FUBP1: variants seen among roughly 807,000 people sequenced by gnomAD.
FUBP1 encodes far upstream element-binding protein 1.
FUBP1 carries 16 observed loss-of-function variants against 94.9 expected under a neutral mutation model. The observed-to-expected ratio is 0.17, with a 90% CI of 0.11 to 0.26. FUBP1 has a LOEUF of 0.26. Ranked by LOEUF, FUBP1 falls within the 10% of genes least tolerant of loss-of-function variation. FUBP1 has a pLI of 1.00. For synonymous variants in FUBP1, 279 were observed against 254.9 expected (o/e 1.09, Z -0.90); for missense variants, 583 against 808.6 (o/e 0.72, Z 3.38).
At position 77,947,308 on chromosome 1, in the gene FUBP1, A is replaced by G; in HGVS notation, c.*1458T>C. 2.7e-6 allele frequency: 1 copy of G among 374,880 alleles called. No individual in the cohort carries two copies. Among genetic ancestry groups the G allele is most frequent in the Non-Finnish European group, 5.2e-6 (1 of 193,994 alleles). The allele number at this position is 374,880 out of a possible 1,614,324, so 23.2% of individuals were successfully genotyped here. A position where few individuals can be genotyped will look rare whatever the true frequency, so the allele number is the denominator to read the frequency against. On this transcript the variant is annotated 3_prime_UTR_variant, in exon 20 of 20. Coordinates refer to ENST00000370768, the MANE Select transcript of FUBP1 (RefSeq NM_003902.5). ...ACAGAACTATGTATTATTCTATGTT[A>G]AATTAAGAGGCAGTTATGGTTTTCC...
chr1:77,950,001 T>A (rs1373459506), intron 18 of FUBP1, among the ~76,000 whole-genome samples: 2 of 152,200 alleles, frequency 1.3e-5, no homozygotes, highest in Non-Finnish European at 2.9e-5. Flanking sequence ...TTTTTCCAAA[T>A]AAGGTGACTT....
At chr1:77,968,328 C>T (rs1251731500) in intron 2 of FUBP1, 125 bp from the exon 3 acceptor site, 1 of 622,556 alleles carries the variant, frequency 1.6e-6, no homozygotes, top group Non-Finnish European at 2.8e-6. Flanking sequence ...ATCATTTGAA[C>T]CAAAACTGCC....
chr1:77,958,326 G>C (rs1383482901), intron 16 of FUBP1, among the ~76,000 whole-genome samples: 1 of 152,164 alleles, frequency 6.6e-6, no homozygotes, highest in African/African-American at 2.4e-5. Context: ...CAGAGGCTTA[G>C]AGGAGTTCAA....
Position 77,960,799 on chromosome 1 carries a change from A to G in FUBP1, c.1345-304T>C, listed in dbSNP as rs1655320955. On this transcript the variant is annotated intron_variant, in intron 14 of 19. Transcript: ENST00000370768. ...AGCAGTAGTTCCCTTTCCTTTTATC[A>G]TTCTTACTTTTACTATCTTTTTCCA... is the stretch of plus-strand genomic sequence containing the variant. 1.2e-5 allele frequency: 3 copies of G among 255,774 alleles called. No individual in the cohort carries two copies. In the South Asian group the frequency reaches 1.6e-4, roughly 13 times the overall value. The allele number at this position is 255,774 out of a possible 1,614,324, so 15.8% of individuals were successfully genotyped here.
intron 1 of FUBP1, among the ~76,000 whole-genome samples, chr1:77,972,689 GAGGC>G (rs1439566952): frequency 1.3e-5 from 2 of 151,808 alleles, no homozygotes; most frequent in Middle Eastern, 3.2e-3. Flanking sequence ...TTGAACCCGG[GAGGC>G]AGAGGTCGCA....
At chr1:77,957,755 C>A (rs1374973565) in intron 16 of FUBP1, among the ~76,000 whole-genome samples, 1 of 151,390 alleles carries the variant, frequency 6.6e-6, no homozygotes, top group Admixed American at 6.6e-5. Context: ...AAACTTTTCT[C>A]AATTGCCCAA....
chr1:77,949,000 A>G (rs1319821239), intron 19 of FUBP1, 155 bp downstream of exon 19: 7 of 943,208 alleles, frequency 7.4e-6, no homozygotes, highest in Non-Finnish European at 1.1e-5. Context: ...TAAAAAACAA[A>G]AAAACCCAAA....
intron 1 of FUBP1, among the ~76,000 whole-genome samples, chr1:77,978,343 G>A (rs574569855): frequency 1.2e-4 from 18 of 152,314 alleles, no homozygotes; most frequent in Admixed American, 1.0e-3. Flanking sequence ...GGAACAGACT[G>A]ACACGTAAAT....
intron 1 of FUBP1, among the ~76,000 whole-genome samples, chr1:77,970,395 T>G (rs1051832264): frequency 6.6e-6 from 1 of 152,188 alleles, no homozygotes; most frequent in Admixed American, 6.5e-5. Context: ...TGCTATCTAG[T>G]AAGGTAGCCA....
At chr1:77,979,118 G>C, upstream of FUBP1, 6 of 1,082,390 alleles carry the variant, frequency 5.5e-6, no homozygotes, top group Non-Finnish European at 7.8e-6. Context: ...CGCGACCATC[G>C]TGCCGTAAAG....
In FUBP1 at chr1:77,967,400, C is replaced by T. The variant is rs893563530; in HGVS notation, c.290+227G>A. Among the ~76,000 whole-genome samples, 7 of 152,074 alleles carry T rather than the reference C, an allele frequency of 4.6e-5. No individual in the cohort carries two copies. The South Asian group carries it at 1.4e-3, about 31-fold the overall frequency. On this transcript the variant is annotated intron_variant, in intron 4 of 19. Transcript: ENST00000370768. ...TCTTAACAGTTACTCTAATTCACCC[C>T]TGTTCTTCTAAAATGTGGTTAATTC... is the stretch of plus-strand genomic sequence containing the variant.
intron 18 of FUBP1, among the ~76,000 whole-genome samples, chr1:77,953,681 G>C (rs1653932412): frequency 6.6e-6 from 1 of 151,478 alleles, no homozygotes; most frequent in Non-Finnish European, 1.5e-5. Context: ...TAACTGGCAG[G>C]GAAATGGTAA....
At chr1:77,970,603 T>C (rs1370697174) in intron 1 of FUBP1, among the ~76,000 whole-genome samples, 2 of 152,222 alleles carry the variant, frequency 1.3e-5, no homozygotes, top group African/African-American at 4.8e-5. Flanking sequence ...TGTACTTCTA[T>C]TGGACAATGT....
intron 1 of FUBP1, among the ~76,000 whole-genome samples, chr1:77,972,472 T>A (rs1275164895): frequency 1.3e-5 from 2 of 151,400 alleles, no homozygotes; most frequent in Admixed American, 6.6e-5. Context: ...AGGCCAGGCG[T>A]GGTGGCTCAT....
chr1:77,972,470 C>A (rs114495559), intron 1 of FUBP1, among the ~76,000 whole-genome samples: 1 of 151,170 alleles, frequency 6.6e-6, no homozygotes, highest in Non-Finnish European at 1.5e-5. Flanking sequence ...TGAGGCCAGG[C>A]GTGGTGGCTC....
At chr1:77,948,842 A>T (rs760108816) in intron 19 of FUBP1, 68 bp from the exon 20 acceptor site, 2 of 1,599,322 alleles carry the variant, frequency 1.3e-6, no homozygotes, top group Non-Finnish European at 1.7e-6. Flanking sequence ...GAGCTAATTC[A>T]GGAGTGAATC....
At chr1:77,949,048 C>T in intron 19 of FUBP1, 107 bp downstream of exon 19, 1 of 1,104,088 alleles carries the variant, frequency 9.1e-7, no homozygotes, top group Non-Finnish European at 1.4e-6. Context: ...AGTTATTATA[C>T]TTTGCCAGAT....
At chr1:77,978,774 C>T (rs1337243074) in intron 1 of FUBP1, 111 bp downstream of exon 1, 6 of 1,320,432 alleles carry the variant, frequency 4.5e-6, no homozygotes, top group East Asian at 2.3e-5. Flanking sequence ...CACATTTCAG[C>T]CCGGAAGAAC....
chr1:77,947,871 T>G lies in FUBP1; in HGVS notation c.*895A>C. ...CTATACTTTTTGCACACTATTCACT[T>G]TTCTATCCTAAATTTAGAAAGAAAC... On this transcript the variant is annotated 3_prime_UTR_variant, in exon 20 of 20. Coordinates refer to ENST00000370768, the MANE Select transcript of FUBP1 (RefSeq NM_003902.5). 1 of 1,095,362 alleles carries G rather than the reference T, an allele frequency of 9.1e-7. No individual in the cohort carries two copies. Among genetic ancestry groups the G allele is most frequent in the Non-Finnish European group, 1.1e-6 (1 of 887,606 alleles). The allele number at this position is 1,095,362 out of a possible 1,614,324, so 67.9% of individuals were successfully genotyped here. A position where few individuals can be genotyped will look rare whatever the true frequency, so the allele number is the denominator to read the frequency against.
Sources: gnomAD v4.1 joint callset for allele counts (sites outside exome capture counted in the v4.1 genomes callset) on GRCh38, gnomAD v4.1.1 for gene constraint, MANE v1.5 for transcripts, NCBI Gene and HGNC (gene_info 2026-07-23, HGNC 2026-07-21) for gene names.